Variants in OTUD6B observed in about 807,000 individuals in gnomAD.
OTUD6B encodes the protein OTU deubiquitinase 6B.
In OTUD6B, 41 loss-of-function variants were observed where a neutral mutation model predicts 36.9. The ratio of observed to expected loss-of-function variants is 1.11; its 90% confidence interval spans 0.87 to 1.44. The LOEUF (loss-of-function observed/expected upper bound fraction) is 1.44. OTUD6B is among the 40% of genes most tolerant of loss of function. OTUD6B has a pLI of 0.00. For synonymous variants in OTUD6B, 114 were observed against 114.2 expected (o/e 1.00, Z 0.01); for missense variants, 356 against 344.8 (o/e 1.03, Z -0.26).
At chr8:91,081,753 T>G (rs891887844) in intron 5 of OTUD6B, among the ~76,000 whole-genome samples, 1 of 152,190 alleles carries the variant, frequency 6.6e-6, no homozygotes, top group Admixed American at 6.5e-5. Flanking sequence ...CTGCTTCATT[T>G]GAAGATGCAA....
Position 91,084,129 on chromosome 8 carries a change from A to G in OTUD6B, c.797+15A>G. On this transcript the variant is annotated intron_variant, in intron 6 of 6. Coordinates refer to ENST00000404789, the MANE Select transcript of OTUD6B (RefSeq NM_016023.5). Reference sequence around the variant, plus strand: ...CTAATACTTGTGTAAGTACCTAGACATTTTTACTGTTTTATTTTTCACAAT... The same window carrying G: ...CTAATACTTGTGTAAGTACCTAGACGTTTTTACTGTTTTATTTTTCACAAT... 1 of 1,331,502 alleles carries G rather than the reference A, an allele frequency of 7.5e-7. No individual in the cohort carries two copies. Among genetic ancestry groups the G allele is most frequent in the Non-Finnish European group, 1.0e-6 (1 of 965,554 alleles). 82.5% of individuals were successfully genotyped at this position (1,331,502 alleles called of 1,614,324 possible). A position where few individuals can be genotyped will look rare whatever the true frequency, so the allele number is the denominator to read the frequency against.
At position 91,083,467 on chromosome 8, in the gene OTUD6B, G is replaced by GAGCA. The variant is rs553541278; in HGVS notation, c.691-540_691-537dup. Among the ~76,000 whole-genome samples, 13 of 152,204 alleles carry GAGCA rather than the reference G, an allele frequency of 8.5e-5. 1 individual carries two copies. In the East Asian group the frequency reaches 2.5e-3, roughly 29 times the overall value. ...CAAAGCTTTTGTGCAGGCAGGGCTTGAGCAGTCTCTGCATTTGATTTAATA... is the reference window on the plus strand; with the variant it reads ...CAAAGCTTTTGTGCAGGCAGGGCTTGAGCAAGCAGTCTCTGCATTTGATTTAATA... On this transcript the variant is annotated intron_variant, in intron 5 of 6. Transcript: ENST00000404789.
intron 2 of OTUD6B, 128 bp from the exon 3 acceptor site, chr8:91,073,703 C>A (rs1472380339): frequency 8.1e-7 from 1 of 1,240,164 alleles, no homozygotes; most frequent in Non-Finnish European, 1.0e-6. Context: ...AAACAGGAGA[C>A]AAAACCATAT....
At position 91,071,291 on chromosome 8, in the gene OTUD6B, T is replaced by C. The variant is rs1812693022; in HGVS notation, c.234+2T>C. 1 of 1,604,178 alleles carries C rather than the reference T, an allele frequency of 6.2e-7. No individual in the cohort carries two copies. The highest frequency in any genetic ancestry group is 8.5e-7 in the Non-Finnish European group (1 of 1,176,578). ...AAGCTGACTACTAAGGAGAATAAGG[T>C]ATGTGAAATAAATGTTTGTCGTTGC... On this transcript the variant is annotated splice_donor_variant, in intron 2 of 6. Transcript: ENST00000404789. LOFTEE classifies it high-confidence loss of function.
intron 1 of OTUD6B, 95 bp from the exon 2 acceptor site, chr8:91,071,043 G>A: frequency 2.6e-6 from 4 of 1,516,922 alleles, no homozygotes; most frequent in Non-Finnish European, 3.5e-6. Flanking sequence ...TACTTTTTCT[G>A]TACCCTTCGC....
intron 2 of OTUD6B, 42 bp downstream of exon 2, chr8:91,071,331 A>C: frequency 6.6e-7 from 1 of 1,519,764 alleles, no homozygotes; most frequent in Non-Finnish European, 8.9e-7. Context: ...ACCATTTGAA[A>C]ACAGCTGTCC....
At chr8:91,079,477 G>A (rs942891017) in intron 4 of OTUD6B, among the ~76,000 whole-genome samples, 7 of 152,044 alleles carry the variant, frequency 4.6e-5, no homozygotes, top group Non-Finnish European at 1.0e-4. Context: ...GTCTCCTTTA[G>A]TGTGCATGGC....
intron 5 of OTUD6B, among the ~76,000 whole-genome samples, chr8:91,083,334 A>C (rs1178569931): frequency 6.6e-6 from 1 of 152,080 alleles, no homozygotes; most frequent in Admixed American, 6.6e-5. Flanking sequence ...GGTATTTAAA[A>C]ATTTTTTTTG....
chr8:91,076,273 C>T (rs529789543), intron 3 of OTUD6B, among the ~76,000 whole-genome samples: 5 of 151,984 alleles, frequency 3.3e-5, no homozygotes, highest in Admixed American at 6.6e-5. Context: ...ATCTTTTATA[C>T]GTTTTTATTA....
At chr8:91,078,873 T>C (rs1812849891) in intron 4 of OTUD6B, 1 of 422,860 alleles carries the variant, frequency 2.4e-6, no homozygotes, top group East Asian at 3.7e-5. Flanking sequence ...TACTTAGTTA[T>C]TTTGTAATTA....
Position 91,084,831 on chromosome 8 carries a change from C to G in OTUD6B, c.845C>G (p.Thr282Arg). The G allele has an allele frequency of 1.3e-6, 2 of 1,579,326 alleles. No homozygotes were observed. The highest frequency in any genetic ancestry group is 1.7e-6 in the Non-Finnish European group (2 of 1,156,900). ...TTAGGAGAACATTATAATTCGGTTA[C>G]ACGGTTGGTAAACATAGTTACTGAA... Reference protein sequence around the residue: ...YGLGEHYNSVTRLVNIVTENC... With the variant: ...YGLGEHYNSVRRLVNIVTENC... Residue 282 changes from threonine to arginine, a missense_variant, in exon 7 of 7, where the codon ACA becomes AGA. Physicochemically the swap from Thr to Arg is moderately conservative, Grantham distance 71. Transcript: ENST00000404789.
At chr8:91,070,487 A>G (rs781015730) in intron 1 of OTUD6B, 21 bp downstream of exon 1, 13 of 1,554,376 alleles carry the variant, frequency 8.4e-6, no homozygotes, top group Middle Eastern at 3.4e-4. Context: ...AGGAAGTGGG[A>G]ATCTGGAAGC....
At chr8:91,083,728 A>G (rs1812951088) in intron 5 of OTUD6B, among the ~76,000 whole-genome samples, 1 of 152,192 alleles carries the variant, frequency 6.6e-6, no homozygotes, top group South Asian at 2.1e-4. Flanking sequence ...TTTGAGTCCC[A>G]TCCTCAAGAT....
chr8:91,072,694 G>A (rs1413448716), intron 2 of OTUD6B, among the ~76,000 whole-genome samples: 1 of 152,082 alleles, frequency 6.6e-6, no homozygotes, highest in Non-Finnish European at 1.5e-5. Context: ...GTTAAATTGT[G>A]TTGTGACAAT....
intron 3 of OTUD6B, 147 bp from the exon 4 acceptor site, chr8:91,078,209 C>G (rs931569899): frequency 7.0e-7 from 1 of 1,421,014 alleles, no homozygotes; most frequent in African/African-American, 1.4e-5. Flanking sequence ...GTAGAAAATT[C>G]TTGAGATGAT....
intron 3 of OTUD6B, 77 bp downstream of exon 3, chr8:91,073,988 G>T: frequency 1.1e-6 from 1 of 941,426 alleles, no homozygotes; most frequent in Non-Finnish European, 1.6e-6. Flanking sequence ...CTTAGGTCTT[G>T]TTATAGGAAG....
At chr8:91,073,938 TAA>T (rs1322019195) in intron 3 of OTUD6B, 27 bp downstream of exon 3, 1 of 1,471,256 alleles carries the variant, frequency 6.8e-7, no homozygotes, top group African/African-American at 1.4e-5. Context: ...ACCAAGTATA[TAA>T]GTTAGTGCTG....
In OTUD6B at chr8:91,071,009, C is replaced by G. The variant is rs4579491; in HGVS notation, c.83-129C>G. ...CTTCTCTCTCTGTAGCTGCCTGTTA[C>G]GTGATGACTCTTTCTTCCATAATTA... On this transcript the variant is annotated intron_variant, in intron 1 of 6. Coordinates refer to ENST00000404789, the MANE Select transcript of OTUD6B (RefSeq NM_016023.5). The G allele has an allele frequency of 1.2e-3, 1,664 of 1,419,448 alleles. 45 individuals are homozygous for G. In the Admixed American group the frequency reaches 0.04, roughly 34 times the overall value. 87.9% of individuals were successfully genotyped at this position (1,419,448 alleles called of 1,614,324 possible).
intron 3 of OTUD6B, 46 bp from the exon 4 acceptor site, chr8:91,078,310 G>A (rs1812837575): frequency 6.7e-7 from 1 of 1,488,990 alleles, no homozygotes; most frequent in African/African-American, 1.4e-5. Flanking sequence ...ATGAGAATTA[G>A]TCCAAATTAT....
Sources: allele counts gnomAD v4.1 joint callset (sites outside exome capture counted in the v4.1 genomes callset), GRCh38; gene constraint gnomAD v4.1.1; transcripts MANE v1.5; gene names NCBI Gene and HGNC (gene_info 2026-07-23, HGNC 2026-07-21).